Variants in SLK observed in about 807,000 individuals in gnomAD.
SLK encodes STE20 like kinase, also known as STE20-like serine/threonine-protein kinase.
Under a neutral mutation model 147.7 loss-of-function variants are expected in SLK, and 67 were observed. The ratio of observed to expected loss-of-function variants is 0.45; its 90% CI spans 0.37 to 0.56. SLK has a LOEUF of 0.56. Ranked by LOEUF, SLK falls within the 20% of genes least tolerant of loss-of-function variation. The pLI, the probability that SLK is intolerant of heterozygous loss-of-function variation, is 0.00. For synonymous variants in SLK, 441 were observed against 475.0 expected (o/e 0.93, Z 0.93); for missense variants, 1,136 against 1,438.8 (o/e 0.79, Z 3.41).
At chr10:104,014,655 AT>A (rs1358918193) in intron 13 of SLK, among the ~76,000 whole-genome samples, 1 of 152,190 alleles carries the variant, frequency 6.6e-6, no homozygotes, top group African/African-American at 2.4e-5. Flanking sequence ...AAATGATCAA[AT>A]TCTATACAAA....
chr10:104,002,356 C>T lies in SLK; in HGVS notation c.1178C>T (p.Ala393Val), dbSNP rs1381225897. 2 of 1,613,442 alleles carry T rather than the reference C, an allele frequency of 1.2e-6. No individual in the cohort carries two copies. The highest frequency in any genetic ancestry group is 2.2e-5 in the East Asian group (1 of 44,858). The change falls in exon 9 of 19, where the codon GCT becomes GTT. Residue 393 changes from alanine to valine, a missense_variant. Ala to Val is a moderately conservative substitution (Grantham distance 64). Coordinates refer to ENST00000369755, the MANE Select transcript of SLK (RefSeq NM_014720.4). ...CCCACCACTGATGAACCTGAAAAGG[C>T]TGTGGAGGATATTAATGAACATATT... ...EKPTTDEPEK[A>V]VEDINEHITD... is the part of the protein sequence containing the mutation.
chr10:103,999,063 GT>G, intron 5 of SLK, 55 bp from the exon 6 acceptor site: 1 of 1,547,508 alleles, frequency 6.5e-7, no homozygotes, highest in East Asian at 2.2e-5. Context: ...ATTATACCAT[GT>G]GTTTTGCAAT....
chr10:104,015,073 G>A (rs557588597), intron 13 of SLK, among the ~76,000 whole-genome samples: 1 of 151,482 alleles, frequency 6.6e-6, no homozygotes, highest in East Asian at 1.9e-4. Context: ...TTGTTTTGAG[G>A]TAATGAAATA....
intron 18 of SLK, among the ~76,000 whole-genome samples, chr10:104,022,657 G>C (rs1167946193): frequency 6.6e-6 from 1 of 152,176 alleles, no homozygotes; most frequent in Non-Finnish European, 1.5e-5. Context: ...GCCCAGGCTG[G>C]AGTGCAATGG....
At chr10:104,016,283 C>T (rs748728357) in intron 13 of SLK, among the ~76,000 whole-genome samples, 11 of 150,776 alleles carry the variant, frequency 7.3e-5, no homozygotes, top group Non-Finnish European at 1.5e-4. Flanking sequence ...CGTGCCACTG[C>T]ATTCCAGCCT....
intron 13 of SLK, among the ~76,000 whole-genome samples, chr10:104,014,161 G>A (rs570325474): frequency 3.3e-5 from 5 of 152,234 alleles, no homozygotes; most frequent in East Asian, 1.9e-4. Flanking sequence ...TTTTATTTTC[G>A]TGTGAAGTGA....
intron 15 of SLK, chr10:104,019,183 T>C (rs1844502454): frequency 3.6e-6 from 1 of 278,180 alleles, no homozygotes; most frequent in Non-Finnish European, 6.9e-6. Context: ...GTAGCTATTT[T>C]GGCTCTATTT....
intron 14 of SLK, 87 bp from the exon 15 acceptor site, chr10:104,018,697 A>G: frequency 7.3e-7 from 1 of 1,362,918 alleles, no homozygotes; most frequent in Admixed American, 2.1e-5. Flanking sequence ...TGTATTTAGA[A>G]TACTTCTATG....
At position 103,967,590 on chromosome 10, in the gene SLK, G is replaced by A. The variant is rs1181134321; in HGVS notation, c.-156G>A. On this transcript the variant is annotated 5_prime_UTR_variant, in exon 1 of 19. Coordinates refer to ENST00000369755, the MANE Select transcript of SLK (RefSeq NM_014720.4). ...GGGCCGGAGCCCGGGTCGCCGCCCC[G>A]CCTTCTCCCGGGACCGCCCGGCCGG... 6 of 273,104 alleles carry A rather than the reference G, an allele frequency of 2.2e-5. No homozygotes were observed. Among genetic ancestry groups the A allele is most frequent in the African/African-American group, 1.4e-4 (6 of 43,452 alleles). 16.9% of individuals were successfully genotyped at this position (273,104 alleles called of 1,614,324 possible).
At chr10:104,017,465 C>CT (rs1844478336) in intron 13 of SLK, among the ~76,000 whole-genome samples, 1 of 151,938 alleles carries the variant, frequency 6.6e-6, no homozygotes, top group Non-Finnish European at 1.5e-5. Flanking sequence ...TCTTAATTGC[C>CT]TTTTTTCCTA....
intron 13 of SLK, among the ~76,000 whole-genome samples, chr10:104,014,258 G>A (rs1031549410): frequency 6.6e-6 from 1 of 152,124 alleles, no homozygotes. Flanking sequence ...TTTTCATTCC[G>A]TTTAACTCTA....
intron 1 of SLK, among the ~76,000 whole-genome samples, chr10:103,968,482 T>A (rs1221292721): frequency 6.6e-6 from 1 of 152,242 alleles, no homozygotes; most frequent in African/African-American, 2.4e-5. Context: ...AATATATTTA[T>A]GGTAAGCATT....
At chr10:103,989,617 C>T (rs1306473319) in intron 1 of SLK, among the ~76,000 whole-genome samples, 5 of 151,720 alleles carry the variant, frequency 3.3e-5, no homozygotes, top group South Asian at 2.1e-4. Context: ...TACAGGTGCC[C>T]GACACCACGC....
In SLK at chr10:104,021,737, A is replaced by C. The variant is rs1315021553; in HGVS notation, c.3561+4A>C. ...GAAATTGAGACCTAGGAAAAAGGTA[A>C]TTTTAAAAGCTTTAATTAAAATGAT... On this transcript the variant is annotated splice_donor_region_variant and intron_variant, in intron 18 of 18. Coordinates refer to ENST00000369755, the MANE Select transcript of SLK (RefSeq NM_014720.4). 4.0e-6 allele frequency: 6 copies of C among 1,494,206 alleles called. No individual in the cohort carries two copies. Among genetic ancestry groups the C allele is most frequent in the Non-Finnish European group, 5.6e-6 (6 of 1,075,084 alleles). The allele number at this position is 1,494,206 out of a possible 1,614,324, so 92.6% of individuals were successfully genotyped here.
chr10:104,006,237 AT>A lies in SLK; in HGVS notation c.2604+206del, dbSNP rs368183585. Among the ~76,000 whole-genome samples the A allele has an allele frequency of 1.7e-3, 258 of 151,776 alleles. 4 individuals carry two copies. The East Asian group carries it at 0.04, about 23-fold the overall frequency. On this transcript the variant is annotated intron_variant, in intron 11 of 18. Coordinates refer to ENST00000369755, the MANE Select transcript of SLK (RefSeq NM_014720.4). The stretch of plus-strand genomic sequence containing the variant: ...TGATTTATTCTTTTTTCTTGAAAGG[AT>A]TTTCTATCCCAGTCTACCTTAAGCT...
intron 1 of SLK, among the ~76,000 whole-genome samples, chr10:103,969,461 A>G (rs1306545794): frequency 6.6e-6 from 1 of 152,224 alleles, no homozygotes. Flanking sequence ...TGTTTCTATA[A>G]TAAAATTAAG....
At position 104,002,840 on chromosome 10, in the gene SLK, A is replaced by G; in HGVS notation, c.1662A>G (p.Ala554=). Residue 554 remains alanine (A), a synonymous_variant, in exon 9 of 19, where the codon GCA becomes GCG. Transcript: ENST00000369755. The part of the protein sequence containing the change: ...NTSDVIGTCE[A]ADVAQKVDED... The stretch of plus-strand genomic sequence containing the variant: ...GTGATGTGATAGGAACATGTGAGGC[A>G]GCAGATGTGGCTCAGAAAGTGGATG... 6.2e-7 allele frequency: 1 copy of G among 1,614,122 alleles called. No individual in the cohort carries two copies. Among genetic ancestry groups the G allele is most frequent in the Non-Finnish European group, 8.5e-7 (1 of 1,179,962 alleles).
chr10:103,991,764 A>C (rs1205905504), intron 2 of SLK, among the ~76,000 whole-genome samples: 2 of 152,110 alleles, frequency 1.3e-5, no homozygotes, highest in African/African-American at 4.8e-5. Context: ...GAAGCTACCT[A>C]ATTAGTTAAA....
intron 1 of SLK, among the ~76,000 whole-genome samples, chr10:103,989,464 C>T (rs72821417): frequency 4.8e-3 from 378 of 78,542 alleles, no homozygotes; most frequent in South Asian, 7.3e-3. Flanking sequence ...GTGGCAGTTT[C>T]TTTTTTTTTT....
Sources: allele counts gnomAD v4.1 joint callset (sites outside exome capture counted in the v4.1 genomes callset), GRCh38; gene constraint gnomAD v4.1.1; transcripts MANE v1.5; gene names NCBI Gene and HGNC (gene_info 2026-07-23, HGNC 2026-07-21).